PKD2: variants seen among roughly 807,000 people sequenced by gnomAD.
PKD2 encodes the protein polycystin 2, transient receptor potential cation channel.
PKD2 carries 48 observed loss-of-function variants against 105.9 expected under a neutral mutation model. The ratio of observed to expected loss-of-function variants is 0.45; its 90% confidence interval spans 0.36 to 0.58. The LOEUF is 0.58. Among genes scored for constraint, PKD2 ranks in the 20% least tolerant of loss-of-function variants. PKD2 has a pLI of 0.00. For missense variants in PKD2, 1,078 were observed against 1,255.3 expected, an observed-to-expected ratio of 0.86 and a Z score of 2.13; for synonymous variants, 464 against 481.1, an observed-to-expected ratio of 0.96 and a Z score of 0.46.
chr4:88,061,147 A>G (rs1313029056), intron 9 of PKD2, among the ~76,000 whole-genome samples: 3 of 152,212 alleles, frequency 2.0e-5, no homozygotes, highest in Admixed American at 6.5e-5. Context: ...TGATTATACA[A>G]AAAAACTTGG....
chr4:88,045,523 A>C (rs1453959424), intron 5 of PKD2, among the ~76,000 whole-genome samples: 1 of 152,220 alleles, frequency 6.6e-6, no homozygotes, highest in Admixed American at 6.5e-5. Flanking sequence ...AGAGATAGTG[A>C]TGGCTAGTAG....
chr4:88,062,064 C>A, intron 10 of PKD2, 60 bp downstream of exon 10: 1 of 857,218 alleles, frequency 1.2e-6, no homozygotes, highest in Non-Finnish European at 2.0e-6. Context: ...AGCATTGTTT[C>A]ACCCAGATTT....
rs1560617519 is a variant in PKD2, at chr4:88,052,147, G to T, written c.1705G>T (p.Val569Phe). 15 of 1,588,424 alleles carry T rather than the reference G, an allele frequency of 9.4e-6. No individual in the cohort carries two copies. The highest frequency in any genetic ancestry group is 1.2e-5 in the Non-Finnish European group (14 of 1,157,414). The change falls in exon 7 of 15, where the codon GTC becomes TTC. Residue 569 changes from valine to phenylalanine, a missense_variant. Physicochemically the swap from Val to Phe is conservative, Grantham distance 50. Coordinates refer to ENST00000237596, the MANE Select transcript of PKD2 (RefSeq NM_000297.4). ...NNIAAVTVFF[V>F]WIKLFKFINF... ...TATAGCTGCTGTCACAGTATTTTTTGTCTGGATTAAGGTAATTTATAAATT... is the reference window on the plus strand; with the variant it reads ...TATAGCTGCTGTCACAGTATTTTTTTTCTGGATTAAGGTAATTTATAAATT...
rs1391653115 is a variant in PKD2 at position 88,008,184 on chromosome 4, A to G, written c.451A>G (p.Ser151Gly). The change falls in exon 1 of 15, where the codon AGC becomes GGC. Residue 151 changes from serine (S) to glycine (G), a missense_variant. Ser to Gly is a moderately conservative substitution (Grantham distance 56, BLOSUM62 0). Around this residue, in one of 2 missense-constraint regions of PKD2, gnomAD observed 868 missense variants for 1,067.3 expected, o/e 0.81. Transcript: ENST00000237596. The part of the protein sequence containing the change: ...LGGYHGAGHP[S>G]GRRRRREDQG... ...GGGCTACCACGGCGCGGGCCACCCGAGCGGGAGGCGGCGCCGGCGAGAGGA... is the reference window on the plus strand; with the variant it reads ...GGGCTACCACGGCGCGGGCCACCCGGGCGGGAGGCGGCGCCGGCGAGAGGA... 3 of 1,370,032 alleles carry G rather than the reference A, an allele frequency of 2.2e-6. No homozygotes were observed. The highest frequency in any genetic ancestry group is 2.8e-6 in the Non-Finnish European group (3 of 1,070,806). 84.9% of individuals were successfully genotyped at this position (1,370,032 alleles called of 1,614,324 possible). A position where few individuals can be genotyped will look rare whatever the true frequency, so the allele number is the denominator to read the frequency against.
chr4:88,054,855 C>T (rs903632688), intron 7 of PKD2, among the ~76,000 whole-genome samples: 3 of 151,582 alleles, frequency 2.0e-5, no homozygotes, highest in African/African-American at 4.8e-5. Flanking sequence ...GGGGTTTCAC[C>T]GTGTTAGCCA....
rs574739103 is a variant in PKD2 at position 88,047,058 on chromosome 4, T to C, written c.1548+188T>C. Among the ~76,000 whole-genome samples the C allele has an allele frequency of 7.9e-5, 12 of 152,352 alleles. No homozygotes were observed. The South Asian group carries it at 2.5e-3, about 32-fold the overall frequency. The stretch of plus-strand genomic sequence containing the variant: ...ATGAGTAACTTTGCTGAGTATGAAG[T>C]GGAGAGGTATTTACAGTATGCTCTC... On this transcript the variant is annotated intron_variant, in intron 6 of 14. Transcript: ENST00000237596.
chr4:88,007,767 C>A lies in PKD2; in HGVS notation c.34C>A (p.Pro12Thr). The A allele has an allele frequency of 8.4e-7, 1 of 1,184,424 alleles. No individual in the cohort carries two copies. The allele number at this position is 1,184,424 out of a possible 1,614,324, so 73.4% of individuals were successfully genotyped here. ...CTCCAGTCGCGTGCAGCCTCAGCAG[C>A]CCGGGGACGCCAAGCGGCCGCCCGC... ...VNSSRVQPQQ[P>T]GDAKRPPAPR... Residue 12 changes from proline (P) to threonine (T), a missense_variant, in exon 1 of 15, where the codon CCC becomes ACC. Pro to Thr is a conservative substitution (Grantham distance 38). Coordinates refer to ENST00000237596, the MANE Select transcript of PKD2 (RefSeq NM_000297.4).
intron 10 of PKD2, among the ~76,000 whole-genome samples, chr4:88,062,898 C>T (rs1291573477): frequency 6.6e-6 from 1 of 152,190 alleles, no homozygotes; most frequent in Admixed American, 6.5e-5. Context: ...AGTGTGTATG[C>T]AAGCACTCCT....
At chr4:88,027,663 T>C (rs146502633) in intron 2 of PKD2, among the ~76,000 whole-genome samples, 10 of 152,288 alleles carry the variant, frequency 6.6e-5, no homozygotes, top group African/African-American at 2.4e-4. Context: ...TAGAATGATA[T>C]GGTTTGACTC....
intron 7 of PKD2, among the ~76,000 whole-genome samples, chr4:88,052,768 A>G (rs1233688161): frequency 6.6e-6 from 1 of 152,122 alleles, no homozygotes; most frequent in Non-Finnish European, 1.5e-5. Flanking sequence ...CAGGTGAAGG[A>G]AAAGGAACTT....
intron 4 of PKD2, 39 bp from the exon 5 acceptor site, chr4:88,043,194 G>A (rs754485449): frequency 1.5e-6 from 2 of 1,298,502 alleles, no homozygotes; most frequent in Non-Finnish European, 2.2e-6. Context: ...GTGTTCCACT[G>A]ATTGTAACTG....
In PKD2 at chr4:88,053,838, A is replaced by G. The variant is rs1218042217; in HGVS notation, c.1716+1680A>G. The stretch of plus-strand genomic sequence containing the variant: ...TGTTCTGTGGTGATGGAAATGTTCT[A>G]TATTTTCATTGTCCTAGACAGTAGC... On this transcript the variant is annotated intron_variant, in intron 7 of 14. Coordinates refer to ENST00000237596, the MANE Select transcript of PKD2 (RefSeq NM_000297.4). 2.0e-5 allele frequency among the ~76,000 whole-genome samples: 3 copies of G among 152,302 alleles called. No individual in the cohort carries two copies. In the South Asian group the frequency reaches 6.2e-4, roughly 32 times the overall value.
chr4:88,068,524 A>G (rs182874235), intron 13 of PKD2, among the ~76,000 whole-genome samples: 92 of 152,268 alleles, frequency 6.0e-4, no homozygotes, highest in Middle Eastern at 3.4e-3. Flanking sequence ...TATGTTTACT[A>G]TAAAAATTAG....
At chr4:88,036,155 G>C in intron 2 of PKD2, 65 bp from the exon 3 acceptor site, 4 of 1,613,196 alleles carry the variant, frequency 2.5e-6, no homozygotes, top group Non-Finnish European at 3.4e-6. Flanking sequence ...CTTTGTGAAG[G>C]CTGCTGGTAT....
Position 88,070,682 on chromosome 4 carries a change from G to A in PKD2, c.2522+2621G>A, listed in dbSNP as rs184376222. 1.8e-3 allele frequency among the ~76,000 whole-genome samples: 273 copies of A among 150,586 alleles called. 1 individual carries two copies. Among genetic ancestry groups the A allele is most frequent in the African/African-American group, 6.3e-3 (258 of 41,076 alleles). On this transcript the variant is annotated intron_variant, in intron 13 of 14. Transcript: ENST00000237596. ...GGGTCTCACTCCATCACCCAGGCTG[G>A]AGTACAGTGGTGTAATCATGGCTCT...
intron 2 of PKD2, among the ~76,000 whole-genome samples, chr4:88,026,381 A>G (rs1243227976): frequency 6.6e-6 from 1 of 152,220 alleles, no homozygotes. Flanking sequence ...CTTGAGAGAC[A>G]TGATTTAGAG....
At chr4:88,016,555 A>G (rs1413923473) in intron 1 of PKD2, among the ~76,000 whole-genome samples, 1 of 152,224 alleles carries the variant, frequency 6.6e-6, no homozygotes, top group Non-Finnish European at 1.5e-5. Flanking sequence ...ACCAGGATGT[A>G]AAAGGTCCCT....
chr4:88,073,034 CAAA>C (rs34782103), intron 13 of PKD2, among the ~76,000 whole-genome samples: 4 of 79,938 alleles, frequency 5.0e-5, no homozygotes, highest in Non-Finnish European at 2.5e-5. Context: ...GACTCTGTCT[CAAA>C]AAAAAAAAAA....
Position 88,075,781 on chromosome 4 carries a change from G to A in PKD2, c.*87G>A, listed in dbSNP as rs1409157583. The A allele has an allele frequency of 3.4e-6, 3 of 880,046 alleles. No individual in the cohort carries two copies. The African/African-American group carries it at 4.9e-5, about 14-fold the overall frequency. The allele number at this position is 880,046 out of a possible 1,614,324, so 54.5% of individuals were successfully genotyped here. A position where few individuals can be genotyped will look rare whatever the true frequency, so the allele number is the denominator to read the frequency against. On this transcript the variant is annotated 3_prime_UTR_variant, in exon 15 of 15. Transcript: ENST00000237596. ...AACAAGCACACTATTTATATGCCCTGACCACCATAGGATGCTAGTCTTTGT... is the reference window on the plus strand; with the variant it reads ...AACAAGCACACTATTTATATGCCCTAACCACCATAGGATGCTAGTCTTTGT...
Sources: gnomAD v4.1 joint callset for allele counts (sites outside exome capture counted in the v4.1 genomes callset) on GRCh38, gnomAD v4.1.1 for gene constraint, gnomAD v4.1.1 regional missense constraint, MANE v1.5 for transcripts, NCBI Gene and HGNC (gene_info 2026-07-23, HGNC 2026-07-21) for gene names.